The following TBX4 variants were observed in gnomAD, a reference collection of about 807,000 sequenced individuals.
TBX4 encodes the protein T-box transcription factor 4, also known as T-box transcription factor TBX4.
In TBX4, 13 loss-of-function variants were observed where a neutral mutation model predicts 54.6. The observed-to-expected ratio is 0.24, with a 90% CI of 0.15 to 0.38. The LOEUF (loss-of-function observed/expected upper bound fraction) is 0.38, where lower values mean the gene tolerates loss of function less well. Ranked by LOEUF, TBX4 falls within the 10% of genes least tolerant of loss-of-function variation. TBX4 has a pLI of 1.00. For missense variants in TBX4, 631 were observed against 728.5 expected, an observed-to-expected ratio of 0.87 and a Z score of 1.54; for synonymous variants, 314 against 306.7, an observed-to-expected ratio of 1.02 and a Z score of -0.25.
At chr17:61,467,797 A>C in intron 5 of TBX4, 140 bp downstream of exon 5, 1 of 1,080,248 alleles carries the variant, frequency 9.3e-7, no homozygotes, top group African/African-American at 1.6e-5. Context: ...TTAGGGAAGG[A>C]GCTCAAGCCT....
chr17:61,463,881 G>A (rs1456321087), intron 3 of TBX4, among the ~76,000 whole-genome samples: 2 of 152,158 alleles, frequency 1.3e-5, no homozygotes, highest in Non-Finnish European at 2.9e-5. Flanking sequence ...GGGAGGTGAG[G>A]CAGCTGCTGC....
intron 1 of TBX4, 99 bp from the exon 2 acceptor site, chr17:61,456,389 C>G: frequency 6.7e-7 from 1 of 1,495,170 alleles, no homozygotes; most frequent in Non-Finnish European, 9.1e-7. Context: ...GGGCTGCCTC[C>G]GCGCCCCGCA....
At chr17:61,453,413 A>G (rs1569030117) in intron 1 of TBX4, among the ~76,000 whole-genome samples, 1 of 152,194 alleles carries the variant, frequency 6.6e-6, no homozygotes, top group Admixed American at 6.5e-5. Context: ...ATATAATAAT[A>G]TAATGTATTA....
chr17:61,469,005 G>T (rs8076015), intron 5 of TBX4, among the ~76,000 whole-genome samples: 46,071 of 152,036 alleles, frequency 0.3, 7,404 homozygotes, highest in African/African-American at 0.41. Context: ...GGCCCACGAC[G>T]GCACACACAC....
At chr17:61,455,314 A>G (rs543879893) in intron 1 of TBX4, among the ~76,000 whole-genome samples, 1 of 152,294 alleles carries the variant, frequency 6.6e-6, no homozygotes, top group South Asian at 2.1e-4. Flanking sequence ...AGCGGGAAGA[A>G]GGTAGGAAGA....
chr17:61,452,892 T>C, intron 1 of TBX4: 1 of 984,264 alleles, frequency 1.0e-6, no homozygotes. Context: ...AACAAGGCCG[T>C]GACAGGCGGA....
Position 61,460,569 on chromosome 17 carries a change from C to G in TBX4, c.281+2938C>G, listed in dbSNP as rs1176840888. ...GTCAGGTGTGAAATGGGGGCCACAG[C>G]CCTCCGCAGCCCGTCTCAGTCTCTT... On this transcript the variant is annotated intron_variant, in intron 3 of 8. Transcript: ENST00000644296. The surrounding 1 kb of genome is among the most constrained non-coding windows in gnomAD (Gnocchi z 4.4). Among the ~76,000 whole-genome samples the G allele has an allele frequency of 2.0e-5, 3 of 152,168 alleles. No individual in the cohort carries two copies. Among genetic ancestry groups the G allele is most frequent in the Non-Finnish European group, 4.4e-5 (3 of 68,032 alleles).
rs930957935 is a variant in TBX4 at position 61,478,755 on chromosome 17, T to C, written c.678T>C (p.Ser226=). The change falls in exon 6 of 9, where the codon TCT becomes TCC. Residue 226 remains serine (S), a synonymous_variant. Transcript: ENST00000644296. This position sits in a 1 kb window ranked among gnomAD's most constrained non-coding sequence, Gnocchi z 7.4. ...THVFPETSFI[S]VTSYQNHKIT... is the part of the protein sequence containing the mutation. ...TGTTCCCAGAGACCTCCTTCATCTCTGTGACCTCCTACCAGAATCACAAGG... is the reference window on the plus strand; with the variant it reads ...TGTTCCCAGAGACCTCCTTCATCTCCGTGACCTCCTACCAGAATCACAAGG... 1.9e-6 allele frequency: 3 copies of C among 1,614,084 alleles called. No homozygotes were observed. The highest frequency in any genetic ancestry group is 4.5e-5 in the East Asian group (2 of 44,882).
rs2060652990 is a variant in TBX4, at chr17:61,480,122, T to C, written c.824T>C (p.Met275Thr). ...TACCCCGTGATTTCCAAAAGCATCA[T>C]GAGGCAGAGGCTCATCTCCCCCCAG... ...KEYPVISKSI[M>T]RQRLISPQLS... Residue 275 changes from methionine to threonine, a missense_variant, in exon 8 of 9, where the codon ATG (methionine) becomes ACG (threonine). Physicochemically the swap from Met to Thr is moderately conservative, Grantham distance 81. Coordinates refer to ENST00000644296, the MANE Select transcript of TBX4 (RefSeq NM_001321120.2). This position sits in a 1 kb window ranked among gnomAD's most constrained non-coding sequence, Gnocchi z 6.2. 2 of 1,614,094 alleles carry C rather than the reference T, an allele frequency of 1.2e-6. No individual in the cohort carries two copies. Among genetic ancestry groups the C allele is most frequent in the Non-Finnish European group, 1.7e-6 (2 of 1,180,012 alleles).
intron 4 of TBX4, among the ~76,000 whole-genome samples, chr17:61,466,783 G>T (rs1219963665): frequency 6.6e-6 from 1 of 152,258 alleles, no homozygotes; most frequent in Admixed American, 6.5e-5. Flanking sequence ...TCTTACCATT[G>T]TTTTGGGGAC....
rs3744447 is a variant in TBX4 at position 61,457,626 on chromosome 17, T to G, written c.276T>G (p.Ala92=). 278,997 of 1,612,722 alleles carry G rather than the reference T, an allele frequency of 0.17. 26,116 individuals carry two copies. Among genetic ancestry groups the G allele is most frequent in the East Asian group, 0.37 (16,758 of 44,772 alleles). ...GCACCGAGATGATCATCACTAAGGCTGGCAGGTCAGCGCTGGGAGATTTAC... is the reference window on the plus strand; with the variant it reads ...GCACCGAGATGATCATCACTAAGGCGGGCAGGTCAGCGCTGGGAGATTTAC... ...EAGTEMIITK[A]GRRMFPSYKV... The change falls in exon 3 of 9, where the codon GCT becomes GCG. Residue 92 remains alanine (A), a synonymous_variant. Coordinates refer to ENST00000644296, the MANE Select transcript of TBX4 (RefSeq NM_001321120.2). The surrounding 1 kb of genome is among the most constrained non-coding windows in gnomAD (Gnocchi z 8.2).
Position 61,475,703 on chromosome 17 carries a change from A to T in TBX4, c.550-2924A>T, listed in dbSNP as rs1047894389. 3.9e-5 allele frequency among the ~76,000 whole-genome samples: 6 copies of T among 152,180 alleles called. No homozygotes were observed. The highest frequency in any genetic ancestry group is 7.4e-5 in the Non-Finnish European group (5 of 68,018). ...CTGCTTGTGACTGCCCAGGTGTCAC[A>T]GGAGCAGGGTGGCTGCTGCCATGTG... On this transcript the variant is annotated intron_variant, in intron 5 of 8. Coordinates refer to ENST00000644296, the MANE Select transcript of TBX4 (RefSeq NM_001321120.2). This position sits in a 1 kb window ranked among gnomAD's most constrained non-coding sequence, Gnocchi z 5.0.
rs2060658529 is a variant in TBX4, at chr17:61,480,821, T to A, written c.1021+502T>A. 1.3e-5 allele frequency among the ~76,000 whole-genome samples: 2 copies of A among 152,246 alleles called. No homozygotes were observed. The highest frequency in any genetic ancestry group is 4.1e-4 in the South Asian group (2 of 4,828). ...CTGCTTGAGAGTTGAGATGAGCTAT[T>A]GTGGATGTAGGTGGGGGCTGGGAAG... On this transcript the variant is annotated intron_variant, in intron 8 of 8. Coordinates refer to ENST00000644296, the MANE Select transcript of TBX4 (RefSeq NM_001321120.2). The surrounding 1 kb of genome is among the most constrained non-coding windows in gnomAD (Gnocchi z 6.2).
chr17:61,472,418 C>A lies in TBX4; in HGVS notation c.549+4761C>A, dbSNP rs1365767578. Among the ~76,000 whole-genome samples the A allele has an allele frequency of 6.6e-6, 1 of 152,192 alleles. No homozygotes were observed. Among genetic ancestry groups the A allele is most frequent in the African/African-American group, 2.4e-5 (1 of 41,456 alleles). Reference sequence around the variant, plus strand: ...TATTATGAGTAAGGTTAAGCATCTTCTTTTAATAAATTTCCTCTCCTGCGA... The same window carrying A: ...TATTATGAGTAAGGTTAAGCATCTTATTTTAATAAATTTCCTCTCCTGCGA... On this transcript the variant is annotated intron_variant, in intron 5 of 8. Coordinates refer to ENST00000644296, the MANE Select transcript of TBX4 (RefSeq NM_001321120.2). The surrounding 1 kb of genome is among the most constrained non-coding windows in gnomAD (Gnocchi z 4.5).
At position 61,480,385 on chromosome 17, in the gene TBX4, C is replaced by A; in HGVS notation, c.1021+66C>A. 4.9e-6 allele frequency: 6 copies of A among 1,236,120 alleles called. No homozygotes were observed. Among genetic ancestry groups the A allele is most frequent in the Non-Finnish European group, 6.8e-6 (6 of 877,868 alleles). 76.6% of individuals were successfully genotyped at this position (1,236,120 alleles called of 1,614,324 possible). Reference sequence around the variant, plus strand: ...AGCGGTGAGGTTCTCCCCGAAACCACTCTGCAGCGCCCCCCCCCCCAACAC... The same window carrying A: ...AGCGGTGAGGTTCTCCCCGAAACCAATCTGCAGCGCCCCCCCCCCCAACAC... On this transcript the variant is annotated intron_variant, in intron 8 of 8. Transcript: ENST00000644296. The surrounding 1 kb of genome is among the most constrained non-coding windows in gnomAD (Gnocchi z 6.2).
chr17:61,452,735 G>A (rs1255552854), intron 1 of TBX4, among the ~76,000 whole-genome samples, 158 bp downstream of exon 1: 2 of 152,206 alleles, frequency 1.3e-5, no homozygotes, highest in African/African-American at 2.4e-5. Flanking sequence ...AAAGTTGCAG[G>A]AAGGCGGCGC....
At chr17:61,456,299 T>C (rs1031684649) in intron 1 of TBX4, 189 bp from the exon 2 acceptor site, 9 of 698,852 alleles carry the variant, frequency 1.3e-5, no homozygotes, top group Non-Finnish European at 2.0e-5. Context: ...GTCCACAGCC[T>C]GAAGGGAGGA....
chr17:61,482,631 G>A (rs745568354), intron 8 of TBX4, among the ~76,000 whole-genome samples: 10 of 152,224 alleles, frequency 6.6e-5, no homozygotes, highest in South Asian at 2.1e-4. Flanking sequence ...GATCAAAGCC[G>A]AGTGCTGCCT....
At chr17:61,468,155 T>G (rs2060549521) in intron 5 of TBX4, among the ~76,000 whole-genome samples, 1 of 152,218 alleles carries the variant, frequency 6.6e-6, no homozygotes, top group Non-Finnish European at 1.5e-5. Context: ...ACCGTCTGCC[T>G]GGCCTGACAG....
Sources: allele counts gnomAD v4.1 joint callset (sites outside exome capture counted in the v4.1 genomes callset), GRCh38; gene constraint gnomAD v4.1.1; non-coding constraint Gnocchi (gnomAD v3.1); transcripts MANE v1.5; gene names NCBI Gene and HGNC (gene_info 2026-07-23, HGNC 2026-07-21).